The following FHAD1 variants were observed in gnomAD, a reference collection of about 807,000 sequenced individuals.
FHAD1 encodes the protein forkhead-associated domain-containing protein 1.
Under a neutral mutation model 191.3 loss-of-function variants are expected in FHAD1, and 146 were observed. That is an observed-to-expected ratio of 0.76 (90% confidence interval 0.67 to 0.88). The LOEUF (loss-of-function observed/expected upper bound fraction) is 0.88. FHAD1 is among the 40% of genes least tolerant of loss of function. FHAD1 has a pLI of 0.00. For synonymous variants in FHAD1, 616 were observed against 672.3 expected (o/e 0.92, Z 1.29); for missense variants, 1,635 against 1,785.8 (o/e 0.92, Z 1.52).
At chr1:15,321,783 G>T (rs1676364903) in intron 10 of FHAD1, among the ~76,000 whole-genome samples, 1 of 152,322 alleles carries the variant, frequency 6.6e-6, no homozygotes, top group Non-Finnish European at 1.5e-5. Flanking sequence ...GTGTGATTGT[G>T]CATGTTTGCA....
chr1:15,323,900 C>G (rs1245017566), intron 10 of FHAD1, among the ~76,000 whole-genome samples: 1 of 152,158 alleles, frequency 6.6e-6, no homozygotes, highest in Non-Finnish European at 1.5e-5. Context: ...GAAGTGGTAG[C>G]AATAAACAGT....
chr1:15,375,958 C>T (rs1699450319), intron 28 of FHAD1, among the ~76,000 whole-genome samples: 1 of 152,066 alleles, frequency 6.6e-6, no homozygotes, highest in South Asian at 2.1e-4. Context: ...TGACATTGGG[C>T]CACGTTAATC....
intron 2 of FHAD1, among the ~76,000 whole-genome samples, chr1:15,256,882 G>C (rs1648442149): frequency 6.6e-6 from 1 of 152,064 alleles, no homozygotes; most frequent in African/African-American, 2.4e-5. Context: ...TGCCCTTTGT[G>C]GACAGCATCC....
Position 15,345,578 on chromosome 1 carries a change from G to A in FHAD1, c.2346+55G>A, listed in dbSNP as rs936944570. 3 of 1,400,248 alleles carry A rather than the reference G, an allele frequency of 2.1e-6. No homozygotes were observed. In the African/African-American group the frequency reaches 4.3e-5, roughly 20 times the overall value. The allele number at this position is 1,400,248 out of a possible 1,614,324, so 86.7% of individuals were successfully genotyped here. A position where few individuals can be genotyped will look rare whatever the true frequency, so the allele number is the denominator to read the frequency against. On this transcript the variant is annotated intron_variant, in intron 18 of 33. Transcript: ENST00000688493. ...CCCCAGTCGGCTTGAGGGCCATGTG[G>A]AAGGAAGTTCAGAGCGGCGATGATG...
intron 2 of FHAD1, among the ~76,000 whole-genome samples, chr1:15,263,510 C>CTTTTTTTTTTTTTTT (rs771788861): frequency 4.0e-5 from 3 of 75,032 alleles, no homozygotes; most frequent in Admixed American, 1.8e-4. Context: ...CAGTTTTATT[C>CTTTTTTTTTTTTTTT]TTTTTTTTTT....
At chr1:15,313,223 C>T (rs1348251806) in intron 8 of FHAD1, 36 bp downstream of exon 8, 8 of 1,534,024 alleles carry the variant, frequency 5.2e-6, no homozygotes, top group Non-Finnish European at 7.0e-6. Context: ...TGTAGCCATC[C>T]GGTGAAAAGC....
intron 2 of FHAD1, among the ~76,000 whole-genome samples, chr1:15,271,760 A>G (rs1480935135): frequency 6.6e-6 from 1 of 152,208 alleles, no homozygotes. Flanking sequence ...GTGAACCTCA[A>G]TGTTAACCAT....
chr1:15,255,541 T>C (rs1301246162), intron 2 of FHAD1, among the ~76,000 whole-genome samples: 1 of 152,174 alleles, frequency 6.6e-6, no homozygotes, highest in Non-Finnish European at 1.5e-5. Flanking sequence ...TTATCACTCA[T>C]TCATTCCACA....
chr1:15,401,754 G>A (rs117671784), downstream of FHAD1, among the ~76,000 whole-genome samples: 4 of 152,218 alleles, frequency 2.6e-5, no homozygotes, highest in East Asian at 7.7e-4. Flanking sequence ...TAACGCTAAT[G>A]CATGCCTCTT....
At chr1:15,351,836 C>G (rs1691003328) in intron 19 of FHAD1, among the ~76,000 whole-genome samples, 1 of 142,062 alleles carries the variant, frequency 7.0e-6, no homozygotes, top group Non-Finnish European at 1.5e-5. Context: ...GAGGGGGGTG[C>G]CTGGGAGTTG....
At chr1:15,239,942 T>C (rs10803371) in intron 1 of FHAD1, among the ~76,000 whole-genome samples, 84,563 of 152,028 alleles carry the variant, frequency 0.56, 23,720 homozygotes, top group East Asian at 0.68. Context: ...CTATATCTAA[T>C]AGACATGTGC....
chr1:15,265,845 C>T (rs1316536189), intron 2 of FHAD1, among the ~76,000 whole-genome samples: 1 of 151,276 alleles, frequency 6.6e-6, no homozygotes, highest in Non-Finnish European at 1.5e-5. Flanking sequence ...GTGGTGTGCC[C>T]CTGTAATCCC....
Position 15,329,447 on chromosome 1 carries a change from G to T in FHAD1, c.1812G>T (p.Val604=), listed in dbSNP as rs912242666. 1.3e-6 allele frequency: 2 copies of T among 1,551,300 alleles called. No homozygotes were observed. The highest frequency in any genetic ancestry group is 1.7e-6 in the Non-Finnish European group (2 of 1,146,978). Residue 604 remains valine, a synonymous_variant, in exon 14 of 34, where the codon GTG becomes GTT. Transcript: ENST00000688493. This position sits in a 1 kb window ranked among gnomAD's most constrained non-coding sequence, Gnocchi z 5.0. The part of the protein sequence containing the change: ...VSPPVSGLQK[V]VLDVLRHALS... ...CACCTGTCTCGGGGCTCCAGAAGGT[G>T]GTGCTGGACGTCCTGAGGCACGCGC...
At chr1:15,314,723 G>GAT (rs1280959047) in intron 8 of FHAD1, 1 of 8,668 alleles carries the variant, frequency 1.2e-4, no homozygotes, top group African/African-American at 5.3e-4. Context: ...GGTGTGTGTG[G>GAT]ATATGGGTAG....
At chr1:15,262,926 A>G (rs1651746123) in intron 2 of FHAD1, among the ~76,000 whole-genome samples, 1 of 152,234 alleles carries the variant, frequency 6.6e-6, no homozygotes, top group Non-Finnish European at 1.5e-5. Context: ...TCCCAGCCAC[A>G]GTGCACGAGG....
At chr1:15,353,878 C>T (rs183834185) in intron 20 of FHAD1, among the ~76,000 whole-genome samples, 5 of 151,980 alleles carry the variant, frequency 3.3e-5, no homozygotes, top group Non-Finnish European at 7.4e-5. Flanking sequence ...GAATTGTAAA[C>T]GCAGTAGGAA....
intron 2 of FHAD1, among the ~76,000 whole-genome samples, chr1:15,259,649 C>A (rs6702026): frequency 0.12 from 18,561 of 152,120 alleles, 2,588 homozygotes; most frequent in African/African-American, 0.33. Context: ...TGATCCTCAT[C>A]GATGCAACAA....
chr1:15,363,022 T>C (rs1570255537), intron 23 of FHAD1, among the ~76,000 whole-genome samples: 1 of 152,350 alleles, frequency 6.6e-6, no homozygotes, highest in Non-Finnish European at 1.5e-5. Flanking sequence ...ATTCAGATCC[T>C]CAGACTGTTT....
At chr1:15,354,040 A>G (rs35397603) in intron 20 of FHAD1, among the ~76,000 whole-genome samples, 1,690 of 152,294 alleles carry the variant, frequency 0.011, 13 homozygotes, top group African/African-American at 0.016. Context: ...CCTGGCAATC[A>G]TGGGTTAAAT....
Sources: allele counts gnomAD v4.1 joint callset (sites outside exome capture counted in the v4.1 genomes callset), GRCh38; gene constraint gnomAD v4.1.1; non-coding constraint Gnocchi (gnomAD v3.1); transcripts MANE v1.5; gene names NCBI Gene and HGNC (gene_info 2026-07-23, HGNC 2026-07-21).